Variants in MAPK10 observed in about 807,000 individuals in gnomAD.
The protein encoded by MAPK10 is JNK3 alpha protein kinase.
Under a neutral mutation model 59.3 loss-of-function variants are expected in MAPK10, and 25 were observed. That is an observed-to-expected ratio of 0.42 (90% CI 0.31 to 0.59). The LOEUF is 0.59. Among genes scored for constraint, MAPK10 ranks in the 20% least tolerant of loss-of-function variants. MAPK10 has a pLI of 0.15. For synonymous variants in MAPK10, 190 were observed against 200.5 expected (o/e 0.95, Z 0.44); for missense variants, 351 against 568.9 (o/e 0.62, Z 3.90).
intron 2 of MAPK10, among the ~76,000 whole-genome samples, chr4:86,244,837 C>A (rs1447006308): frequency 2.0e-5 from 3 of 152,176 alleles, no homozygotes; most frequent in African/African-American, 7.2e-5. Context: ...TGAATTGCAT[C>A]ATGTGATCTC....
intron 2 of MAPK10, among the ~76,000 whole-genome samples, chr4:86,256,437 C>T (rs2093711955): frequency 6.6e-6 from 1 of 151,968 alleles, no homozygotes; most frequent in Non-Finnish European, 1.5e-5. Context: ...TAAAATTGAC[C>T]AAAATTACCA....
At chr4:86,163,930 T>C (rs2070735794) in intron 3 of MAPK10, among the ~76,000 whole-genome samples, 1 of 152,136 alleles carries the variant, frequency 6.6e-6, no homozygotes. Flanking sequence ...CAAAGAAAAA[T>C]GTCCCACATT....
chr4:86,270,327 A>G (rs2094394606), intron 2 of MAPK10, among the ~76,000 whole-genome samples: 1 of 152,010 alleles, frequency 6.6e-6, no homozygotes. Context: ...CTTTACCTAA[A>G]ACAGGAAACA....
intron 1 of MAPK10, among the ~76,000 whole-genome samples, chr4:86,418,954 T>C (rs2149031959): frequency 6.6e-6 from 1 of 152,218 alleles, no homozygotes; most frequent in East Asian, 1.9e-4. Context: ...AGCTAAGCTA[T>C]GAGGATGCAA....
At chr4:86,325,012 C>T (rs1263441330) in intron 2 of MAPK10, among the ~76,000 whole-genome samples, 1 of 152,160 alleles carries the variant, frequency 6.6e-6, no homozygotes, top group African/African-American at 2.4e-5. Context: ...CTGTTTCAGA[C>T]AAGGACTTTT....
intron 1 of MAPK10, among the ~76,000 whole-genome samples, chr4:86,359,412 C>T (rs1736310993): frequency 6.6e-6 from 1 of 151,624 alleles, no homozygotes; most frequent in Non-Finnish European, 1.5e-5. Context: ...CCCTCCCTCC[C>T]TCTGCTACCC....
At chr4:86,189,078 C>G (rs944646377) in intron 3 of MAPK10, among the ~76,000 whole-genome samples, 1 of 151,976 alleles carries the variant, frequency 6.6e-6, no homozygotes. Flanking sequence ...ATTTCTGAGG[C>G]CTCTGTTCTG....
At chr4:86,124,097 G>A (rs1390960777) in intron 4 of MAPK10, 1 of 151,946 alleles carries the variant, frequency 6.6e-6, no homozygotes, top group African/African-American at 2.4e-5. Flanking sequence ...TTGAAGATAG[G>A]TTACTTATTT....
intron 1 of MAPK10, among the ~76,000 whole-genome samples, chr4:86,423,358 G>T (rs975710084): frequency 2.1e-4 from 32 of 152,150 alleles, no homozygotes; most frequent in African/African-American, 7.2e-4. Context: ...ATGACTCTCT[G>T]TTATATGCAT....
intron 4 of MAPK10, among the ~76,000 whole-genome samples, chr4:86,126,984 C>T (rs575733970): frequency 1.9e-3 from 291 of 151,990 alleles, no homozygotes; most frequent in African/African-American, 6.6e-3. Context: ...GAAACTGCCC[C>T]TTATATAGTC....
At chr4:86,294,661 G>A (rs1331348488) in intron 2 of MAPK10, among the ~76,000 whole-genome samples, 1 of 152,178 alleles carries the variant, frequency 6.6e-6, no homozygotes, top group African/African-American at 2.4e-5. Flanking sequence ...TTGCCTGGAG[G>A]CAGCTCTAAA....
At chr4:86,527,093 G>C (rs1414989897) in intron 1 of MAPK10, among the ~76,000 whole-genome samples, 1 of 151,946 alleles carries the variant, frequency 6.6e-6, no homozygotes, top group East Asian at 1.9e-4. Context: ...AGGATAGCTT[G>C]AGCTCAGGCA....
At chr4:86,476,692 G>A (rs2149068510) in intron 1 of MAPK10, among the ~76,000 whole-genome samples, 1 of 152,256 alleles carries the variant, frequency 6.6e-6, no homozygotes, top group East Asian at 1.9e-4. Context: ...CCTTTAAGGT[G>A]TACAATAATA....
intron 11 of MAPK10, among the ~76,000 whole-genome samples, chr4:86,043,714 G>C (rs759974859): frequency 1.3e-5 from 2 of 152,152 alleles, no homozygotes; most frequent in African/African-American, 4.8e-5. Flanking sequence ...ATAAATAAAA[G>C]AGTACAGTGT....
chr4:86,072,358 T>C (rs2048226475), intron 9 of MAPK10, among the ~76,000 whole-genome samples: 1 of 151,904 alleles, frequency 6.6e-6, no homozygotes, highest in Non-Finnish European at 1.5e-5. Flanking sequence ...TTTGACTTCC[T>C]CTGTTCCTAA....
At chr4:86,279,569 T>C (rs2094716271) in intron 2 of MAPK10, among the ~76,000 whole-genome samples, 1 of 152,194 alleles carries the variant, frequency 6.6e-6, no homozygotes, top group African/African-American at 2.4e-5. Context: ...GTGAGTACCA[T>C]TTGACAGAAA....
chr4:86,546,017 G>A (rs938563542), intron 1 of MAPK10, among the ~76,000 whole-genome samples: 13 of 152,096 alleles, frequency 8.5e-5, no homozygotes, highest in African/African-American at 3.1e-4. Context: ...TTGGGAGGCC[G>A]AGGCGGGCGG....
chr4:86,575,044 G>T (rs530208141), intron 1 of MAPK10, among the ~76,000 whole-genome samples: 1 of 152,148 alleles, frequency 6.6e-6, no homozygotes, highest in African/African-American at 2.4e-5. Context: ...GCCCTTCCCA[G>T]TGTGGGTGGG....
intron 1 of MAPK10, among the ~76,000 whole-genome samples, chr4:86,466,134 C>T (rs1752177017): frequency 6.6e-6 from 1 of 152,176 alleles, no homozygotes; most frequent in African/African-American, 2.4e-5. Flanking sequence ...TAAATCTACT[C>T]CTATAATTGA....
Sources: gnomAD v4.1 joint callset for allele counts (sites outside exome capture counted in the v4.1 genomes callset) on GRCh38, gnomAD v4.1.1 for gene constraint, MANE v1.5 for transcripts, NCBI Gene and HGNC (gene_info 2026-07-23, HGNC 2026-07-21) for gene names.